Variants in IMMP2L observed in about 807,000 individuals in gnomAD.
The protein encoded by IMMP2L is inner mitochondrial membrane peptidase subunit 2.
IMMP2L carries 18 observed loss-of-function variants against 19.3 expected under a neutral mutation model. That is an observed-to-expected ratio of 0.93 (90% CI 0.64 to 1.38). IMMP2L has a LOEUF of 1.38. Among genes scored for constraint, IMMP2L ranks in the 40% most tolerant of loss-of-function variants. The pLI, the probability that IMMP2L is intolerant of heterozygous loss-of-function variation, is 0.00. For missense variants in IMMP2L, 233 were observed against 218.2 expected, an observed-to-expected ratio of 1.07 and a Z score of -0.43; for synonymous variants, 76 against 73.0, an observed-to-expected ratio of 1.04 and a Z score of -0.21.
chr7:111,079,517 C>T (rs1795710271), intron 3 of IMMP2L, among the ~76,000 whole-genome samples: 1 of 152,110 alleles, frequency 6.6e-6, no homozygotes, highest in Non-Finnish European at 1.5e-5. Context: ...TTTATCTACC[C>T]TAGGAAGACT....
At chr7:111,531,556 CT>C (rs1471920506) in intron 1 of IMMP2L, among the ~76,000 whole-genome samples, 1 of 152,042 alleles carries the variant, frequency 6.6e-6, no homozygotes, top group Non-Finnish European at 1.5e-5. Context: ...CAGTGAATAG[CT>C]TTTTACAGGA....
At chr7:111,521,081 T>G (rs1480346966) in intron 2 of IMMP2L, among the ~76,000 whole-genome samples, 1 of 152,124 alleles carries the variant, frequency 6.6e-6, no homozygotes, top group Non-Finnish European at 1.5e-5. Context: ...TCAGAAAAAT[T>G]TAAACTACAG....
chr7:111,026,977 T>C (rs1826899819), intron 3 of IMMP2L, among the ~76,000 whole-genome samples: 1 of 152,154 alleles, frequency 6.6e-6, no homozygotes, highest in Non-Finnish European at 1.5e-5. Flanking sequence ...CAACATAACT[T>C]GCTTTTATCT....
At chr7:110,971,782 C>A (rs1197675481) in intron 3 of IMMP2L, among the ~76,000 whole-genome samples, 1 of 151,990 alleles carries the variant, frequency 6.6e-6, no homozygotes, top group East Asian at 1.9e-4. Flanking sequence ...ATTCCATTGT[C>A]TTTATTGCAT....
chr7:110,844,982 G>A (rs1278381898), intron 5 of IMMP2L, among the ~76,000 whole-genome samples: 4 of 152,104 alleles, frequency 2.6e-5, no homozygotes, highest in Non-Finnish European at 4.4e-5. Context: ...TTTTATCTAG[G>A]AAATTGGATG....
rs141472622 is a variant in IMMP2L at position 111,359,942 on chromosome 7, T to A, written c.239+127296A>T. The stretch of plus-strand genomic sequence containing the variant: ...TAATGGGATAAATGTTCTCTTGGAG[T>A]ACAGAATTATTTCATACTATTATAA... On this transcript the variant is annotated intron_variant, in intron 3 of 5. Coordinates refer to ENST00000405709, the MANE Select transcript of IMMP2L (RefSeq NM_032549.4). Among the ~76,000 whole-genome samples, 1,315 of 152,182 alleles carry A rather than the reference T, an allele frequency of 8.6e-3. 14 individuals are homozygous for A. The highest frequency in any genetic ancestry group is 0.023 in the Admixed American group (353 of 15,254).
chr7:111,534,305 A>C (rs1271322284), intron 1 of IMMP2L, among the ~76,000 whole-genome samples: 1 of 151,122 alleles, frequency 6.6e-6, no homozygotes, highest in Non-Finnish European at 1.5e-5. Flanking sequence ...TGCATACAGT[A>C]GAGTAATCTG....
At chr7:111,417,291 T>C (rs1012900701) in intron 3 of IMMP2L, among the ~76,000 whole-genome samples, 1 of 151,828 alleles carries the variant, frequency 6.6e-6, no homozygotes, top group Non-Finnish European at 1.5e-5. Flanking sequence ...CCACTTCCTC[T>C]TCTTCTCCAC....
chr7:110,747,987 A>G (rs1680913934), intron 5 of IMMP2L, among the ~76,000 whole-genome samples: 1 of 152,240 alleles, frequency 6.6e-6, no homozygotes, highest in Admixed American at 6.5e-5. Context: ...ATGATTGTAT[A>G]TTCAGAAAAC....
chr7:111,339,338 A>T (rs750193806), intron 3 of IMMP2L, among the ~76,000 whole-genome samples: 1 of 151,980 alleles, frequency 6.6e-6, no homozygotes, highest in African/African-American at 2.4e-5. Context: ...TTCTCTCTGA[A>T]AAGAGAGAGT....
At chr7:111,263,463 C>A (rs1382644735) in intron 3 of IMMP2L, among the ~76,000 whole-genome samples, 1 of 152,048 alleles carries the variant, frequency 6.6e-6, no homozygotes, top group Admixed American at 6.6e-5. Context: ...CCATGGGAAA[C>A]AGCTTAAATA....
At chr7:110,897,003 C>T (rs1811393534) in intron 4 of IMMP2L, among the ~76,000 whole-genome samples, 1 of 151,862 alleles carries the variant, frequency 6.6e-6, no homozygotes, top group South Asian at 2.1e-4. Context: ...TTTGTATTGA[C>T]AGGGTCTTAC....
intron 3 of IMMP2L, among the ~76,000 whole-genome samples, chr7:111,269,642 GT>G (rs200603165): frequency 1.3e-5 from 2 of 151,352 alleles, no homozygotes; most frequent in South Asian, 2.1e-4. Context: ...ATGTATTACA[GT>G]TTTTTTTAAA....
chr7:111,415,493 G>C (rs1253054673), intron 3 of IMMP2L, among the ~76,000 whole-genome samples: 3 of 151,696 alleles, frequency 2.0e-5, no homozygotes, highest in East Asian at 3.9e-4. Context: ...AACAGCAATA[G>C]AAAACTAATA....
chr7:111,470,732 G>C (rs1247367860), intron 3 of IMMP2L, among the ~76,000 whole-genome samples: 1 of 129,524 alleles, frequency 7.7e-6, no homozygotes, highest in East Asian at 2.8e-4. Context: ...TGTGGGGTGG[G>C]GGGGAGGGGG....
chr7:111,361,864 T>C (rs188907540), intron 3 of IMMP2L, among the ~76,000 whole-genome samples: 70 of 152,278 alleles, frequency 4.6e-4, no homozygotes, highest in Admixed American at 2.0e-3. Flanking sequence ...ACAAAATGGT[T>C]TGTTGAAGAA....
chr7:111,392,054 T>C (rs1373134231), intron 3 of IMMP2L: 5 of 698,410 alleles, frequency 7.2e-6, no homozygotes, highest in South Asian at 1.5e-5. Flanking sequence ...ACCAGCTTGA[T>C]TGCATTTATA....
intron 5 of IMMP2L, among the ~76,000 whole-genome samples, chr7:110,719,522 C>CA (rs1795440982): frequency 1.3e-5 from 2 of 152,104 alleles, no homozygotes; most frequent in South Asian, 4.1e-4. Context: ...TATTAAAATA[C>CA]AAAAATGTAC....
chr7:111,198,579 T>A (rs148111599), intron 3 of IMMP2L, among the ~76,000 whole-genome samples: 1 of 152,194 alleles, frequency 6.6e-6, no homozygotes, highest in South Asian at 2.1e-4. Flanking sequence ...CTGGAATCCA[T>A]AACTATTCCC....
Sources: allele counts gnomAD v4.1 joint callset (sites outside exome capture counted in the v4.1 genomes callset), GRCh38; gene constraint gnomAD v4.1.1; transcripts MANE v1.5; gene names NCBI Gene and HGNC (gene_info 2026-07-23, HGNC 2026-07-21).